Variants in TFCP2 observed in about 807,000 individuals in gnomAD.
The protein encoded by TFCP2 is transcription factor CP2, also known as alpha-globin transcription factor CP2.
In TFCP2, 33 loss-of-function variants were observed where a neutral mutation model predicts 73.4. The ratio of observed to expected loss-of-function variants is 0.45; its 90% confidence interval spans 0.34 to 0.60. The LOEUF (loss-of-function observed/expected upper bound fraction) is 0.60. Among genes scored for constraint, TFCP2 ranks in the 20% least tolerant of loss-of-function variants. The pLI is 0.01. For missense variants in TFCP2, 352 were observed against 604.0 expected (o/e 0.58, Z 4.37); for synonymous variants, 193 against 211.6 (o/e 0.91, Z 0.76).
chr12:51,111,014 T>C (rs1215506675), intron 4 of TFCP2, 31 bp from the exon 5 acceptor site: 1 of 1,477,664 alleles, frequency 6.8e-7, no homozygotes. Flanking sequence ...CATTGAACAA[T>C]TTTGAGGGCC....
At chr12:51,149,777 T>A (rs1941383282) in intron 1 of TFCP2, among the ~76,000 whole-genome samples, 1 of 152,056 alleles carries the variant, frequency 6.6e-6, no homozygotes, top group African/African-American at 2.4e-5. Context: ...TTTTTTGCAT[T>A]TTTAGTAGAG....
At chr12:51,162,621 C>G (rs1034951303) in intron 1 of TFCP2, among the ~76,000 whole-genome samples, 1 of 152,104 alleles carries the variant, frequency 6.6e-6, no homozygotes, top group Non-Finnish European at 1.5e-5. Flanking sequence ...TTCAAGTATA[C>G]AATATATCGT....
chr12:51,153,386 T>C (rs1941468991), intron 1 of TFCP2, among the ~76,000 whole-genome samples: 1 of 114,212 alleles, frequency 8.8e-6, no homozygotes, highest in Admixed American at 1.1e-4. Context: ...AAAAAAAAAG[T>C]TATCATTTAA....
rs12305543 is a variant in TFCP2, at chr12:51,106,701, G to A, written c.829-88C>T. 1,891 of 995,876 alleles carry A rather than the reference G, an allele frequency of 1.9e-3. 22 individuals are homozygous for A. The African/African-American group carries it at 0.026, about 14-fold the overall frequency. 61.7% of individuals were successfully genotyped at this position (995,876 alleles called of 1,614,324 possible). A position where few individuals can be genotyped will look rare whatever the true frequency, so the allele number is the denominator to read the frequency against. ...CATTGTTACTTGAATAGCACATCTT[G>A]ATTAGTAAATCTTAATTCCTCAGAG... On this transcript the variant is annotated intron_variant, in intron 7 of 14. Coordinates refer to ENST00000257915, the MANE Select transcript of TFCP2 (RefSeq NM_005653.5).
chr12:51,147,794 G>A (rs1941330588), intron 1 of TFCP2, among the ~76,000 whole-genome samples: 1 of 152,162 alleles, frequency 6.6e-6, no homozygotes, highest in South Asian at 2.1e-4. Context: ...ATAAACAGAT[G>A]AGACTTAATT....
At chr12:51,155,774 G>GCTCA (rs1365233622) in intron 1 of TFCP2, among the ~76,000 whole-genome samples, 7 of 152,158 alleles carry the variant, frequency 4.6e-5, no homozygotes, top group Non-Finnish European at 1.0e-4. Context: ...AGGCGCAGTG[G>GCTCA]CTCACGCCTG....
At chr12:51,097,303 C>T (rs1413654615) in intron 13 of TFCP2, among the ~76,000 whole-genome samples, 3 of 151,820 alleles carry the variant, frequency 2.0e-5, no homozygotes, top group Non-Finnish European at 2.9e-5. Context: ...GGCTGGAGTG[C>T]GGTGGCGCAA....
intron 1 of TFCP2, among the ~76,000 whole-genome samples, chr12:51,149,619 A>C (rs1941378932): frequency 6.6e-6 from 1 of 151,928 alleles, no homozygotes; most frequent in Non-Finnish European, 1.5e-5. Context: ...TTTTTTTTCG[A>C]GATGGAGGCT....
intron 1 of TFCP2, among the ~76,000 whole-genome samples, chr12:51,140,430 CTTTCT>C (rs1941163003): frequency 2.3e-5 from 3 of 130,892 alleles, no homozygotes. Context: ...TCTTTTCTAT[CTTTCT>C]TTTCTTTTTC....
chr12:51,168,840 T>C (rs1005097110), intron 1 of TFCP2, among the ~76,000 whole-genome samples: 2 of 151,930 alleles, frequency 1.3e-5, no homozygotes, highest in African/African-American at 2.4e-5. Context: ...CTGGCTCTGT[T>C]GCCCAGGCTG....
At chr12:51,095,746 G>A (rs549942148) in intron 14 of TFCP2, among the ~76,000 whole-genome samples, 10 of 137,534 alleles carry the variant, frequency 7.3e-5, no homozygotes, top group Admixed American at 3.4e-4. Flanking sequence ...CTTGGGAAGC[G>A]AAGGTTGTAG....
chr12:51,153,934 T>G (rs929379345), intron 1 of TFCP2, among the ~76,000 whole-genome samples: 6 of 152,232 alleles, frequency 3.9e-5, no homozygotes, highest in Non-Finnish European at 8.8e-5. Context: ...CATTTAATTT[T>G]TTTGAGGAAC....
chr12:51,164,394 C>T (rs1941710761), intron 1 of TFCP2, among the ~76,000 whole-genome samples: 1 of 152,046 alleles, frequency 6.6e-6, no homozygotes, highest in Non-Finnish European at 1.5e-5. Context: ...GTCAGGAGTT[C>T]AAGACCAGCC....
chr12:51,120,976 G>GGGTT (rs917412435), intron 1 of TFCP2, among the ~76,000 whole-genome samples: 1 of 150,762 alleles, frequency 6.6e-6, no homozygotes, highest in African/African-American at 2.4e-5. Context: ...GAGTACAAGA[G>GGGTT]GGTTCATCAT....
chr12:51,123,945 T>C (rs1340436300), intron 1 of TFCP2, among the ~76,000 whole-genome samples: 1 of 152,264 alleles, frequency 6.6e-6, no homozygotes, highest in Non-Finnish European at 1.5e-5. Context: ...AGCTATGTTA[T>C]CTTCTAAGAA....
intron 1 of TFCP2, among the ~76,000 whole-genome samples, chr12:51,150,235 T>C (rs915605816): frequency 6.6e-6 from 1 of 152,068 alleles, no homozygotes; most frequent in African/African-American, 2.4e-5. Flanking sequence ...CTGGCCAACA[T>C]GGCGAAACCT....
At chr12:51,171,607 A>G (rs1941864052) in intron 1 of TFCP2, among the ~76,000 whole-genome samples, 1 of 151,592 alleles carries the variant, frequency 6.6e-6, no homozygotes, top group South Asian at 2.1e-4. Flanking sequence ...CGAACTCCTG[A>G]GCTCAAGTGA....
At chr12:51,115,752 A>G (rs1473788924) in intron 4 of TFCP2, among the ~76,000 whole-genome samples, 1 of 152,250 alleles carries the variant, frequency 6.6e-6, no homozygotes, top group Non-Finnish European at 1.5e-5. Context: ...ATGCTATACC[A>G]TGAACCTTGA....
chr12:51,150,342 C>A (rs781041680), intron 1 of TFCP2, among the ~76,000 whole-genome samples: 3 of 151,868 alleles, frequency 2.0e-5, no homozygotes, highest in African/African-American at 7.3e-5. Context: ...CGTTTGAACT[C>A]GGGAGGCGGA....
Sources: gnomAD v4.1 joint callset for allele counts (sites outside exome capture counted in the v4.1 genomes callset) on GRCh38, gnomAD v4.1.1 for gene constraint, MANE v1.5 for transcripts, NCBI Gene and HGNC (gene_info 2026-07-23, HGNC 2026-07-21) for gene names.